The following RBFOX1 variants were observed in gnomAD, a reference collection of about 807,000 sequenced individuals.
The protein encoded by RBFOX1 is RNA binding protein fox-1 homolog 1.
Under a neutral mutation model 57.7 loss-of-function variants are expected in RBFOX1, and 8 were observed. The observed-to-expected ratio is 0.14, with a 90% CI of 0.08 to 0.25. The LOEUF is 0.25. Ranked by LOEUF, RBFOX1 falls within the 10% of genes least tolerant of loss-of-function variation. RBFOX1 has a pLI of 1.00. For synonymous variants in RBFOX1, 326 were observed against 222.4 expected, an observed-to-expected ratio of 1.47 and a Z score of -4.15; for missense variants, 611 against 548.5, an observed-to-expected ratio of 1.11 and a Z score of -1.14.
At chr16:7,629,045 G>C (rs974127750) in intron 10 of RBFOX1, among the ~76,000 whole-genome samples, 3 of 152,186 alleles carry the variant, frequency 2.0e-5, no homozygotes, top group African/African-American at 7.2e-5. Context: ...TTTCACTGTT[G>C]TGTGAAGGGC....
intron 6 of RBFOX1, among the ~76,000 whole-genome samples, chr16:7,580,305 C>G (rs2152839078): frequency 6.6e-6 from 1 of 152,266 alleles, no homozygotes; most frequent in Non-Finnish European, 1.5e-5. Context: ...TTACAGTTGT[C>G]AAATGATCCA....
chr16:5,588,001 C>G (rs1421175978), intron 2 of RBFOX1, among the ~76,000 whole-genome samples: 1 of 152,092 alleles, frequency 6.6e-6, no homozygotes, highest in African/African-American at 2.4e-5. Context: ...GGTGGTCTCT[C>G]TATGCAATAG....
chr16:6,436,605 C>G (rs2094243294), intron 2 of RBFOX1, among the ~76,000 whole-genome samples: 1 of 151,258 alleles, frequency 6.6e-6, no homozygotes, highest in South Asian at 2.1e-4. Context: ...AATTACCACC[C>G]CAAGCCCAGT....
At chr16:7,245,769 C>T (rs374042296) in intron 4 of RBFOX1, among the ~76,000 whole-genome samples, 1 of 152,258 alleles carries the variant, frequency 6.6e-6, no homozygotes, top group East Asian at 1.9e-4. Context: ...CTTCGGGTTG[C>T]CCTTTTTGTC....
chr16:6,280,387 C>T (rs2076250567), intron 1 of RBFOX1, among the ~76,000 whole-genome samples: 1 of 152,102 alleles, frequency 6.6e-6, no homozygotes, highest in Non-Finnish European at 1.5e-5. Context: ...GCTCACCCAC[C>T]CCTAGTCTGT....
intron 3 of RBFOX1, among the ~76,000 whole-genome samples, chr16:5,726,928 A>G (rs187134350): frequency 2.6e-5 from 4 of 152,160 alleles, no homozygotes; most frequent in Admixed American, 6.5e-5. Context: ...CTGAGGCCAT[A>G]TGGGTGGGCA....
At chr16:6,825,818 C>T (rs2092049598) in intron 3 of RBFOX1, among the ~76,000 whole-genome samples, 1 of 152,160 alleles carries the variant, frequency 6.6e-6, no homozygotes, top group South Asian at 2.1e-4. Context: ...AGCGATCCTG[C>T]ACAGGAACTT....
intron 4 of RBFOX1, among the ~76,000 whole-genome samples, chr16:7,428,404 G>A (rs1462844868): frequency 7.3e-6 from 1 of 137,562 alleles, no homozygotes; most frequent in African/African-American, 2.7e-5. Flanking sequence ...TCGGTTCACT[G>A]CAACTTTTGC....
At chr16:7,092,953 G>A (rs974575648) in intron 4 of RBFOX1, among the ~76,000 whole-genome samples, 1 of 152,164 alleles carries the variant, frequency 6.6e-6, no homozygotes, top group African/African-American at 2.4e-5. Context: ...TTCGTTGAAT[G>A]GTTCCTTTTC....
At chr16:6,756,155 A>C (rs1040987259) in intron 3 of RBFOX1, among the ~76,000 whole-genome samples, 1 of 151,694 alleles carries the variant, frequency 6.6e-6, no homozygotes, top group Non-Finnish European at 1.5e-5. Context: ...TCAAGCATTT[A>C]AAAAATATAT....
intron 2 of RBFOX1, among the ~76,000 whole-genome samples, chr16:6,349,533 C>G (rs2085935283): frequency 6.6e-6 from 1 of 152,218 alleles, no homozygotes; most frequent in South Asian, 2.1e-4. Flanking sequence ...AAGCTGACTT[C>G]TTGACCTATG....
At chr16:5,982,466 G>C (rs1019617996) in intron 4 of RBFOX1, among the ~76,000 whole-genome samples, 3 of 152,054 alleles carry the variant, frequency 2.0e-5, no homozygotes, top group African/African-American at 7.2e-5. Context: ...AGTAGAGAAG[G>C]GGTTTCGCCA....
intron 2 of RBFOX1, among the ~76,000 whole-genome samples, chr16:6,356,204 A>G (rs1296336417): frequency 6.6e-6 from 1 of 152,164 alleles, no homozygotes; most frequent in Non-Finnish European, 1.5e-5. Flanking sequence ...CTGCTTTTAC[A>G]TGGTGGCTTT....
intron 2 of RBFOX1, among the ~76,000 whole-genome samples, chr16:6,526,686 C>A (rs182107916): frequency 6.6e-6 from 1 of 151,270 alleles, no homozygotes; most frequent in African/African-American, 2.4e-5. Context: ...AAAAATTAGC[C>A]GGGCGTGGTG....
intron 2 of RBFOX1, among the ~76,000 whole-genome samples, chr16:6,422,106 A>G (rs2152990286): frequency 6.6e-6 from 1 of 151,894 alleles, no homozygotes; most frequent in South Asian, 2.1e-4. Context: ...TTTTGTTAGT[A>G]GAGATGGAGT....
intron 12 of RBFOX1, 131 bp from the exon 13 acceptor site, chr16:7,664,798 T>A: frequency 6.5e-7 from 1 of 1,547,038 alleles, no homozygotes; most frequent in South Asian, 1.1e-5. Context: ...CTTAATCCAA[T>A]GTGAAAACGA....
At chr16:6,766,179 A>G (rs574460099) in intron 3 of RBFOX1, among the ~76,000 whole-genome samples, 1 of 152,178 alleles carries the variant, frequency 6.6e-6, no homozygotes, top group African/African-American at 2.4e-5. Context: ...TTAGATATGG[A>G]GAAAAAAAAA....
chr16:5,277,386 G>C (rs191344821), intron 1 of RBFOX1, among the ~76,000 whole-genome samples: 14 of 152,126 alleles, frequency 9.2e-5, no homozygotes, highest in Non-Finnish European at 2.1e-4. Flanking sequence ...AAATTTCAGA[G>C]ATCACCACTG....
At chr16:5,642,015 A>C (rs1270668883) in intron 3 of RBFOX1, among the ~76,000 whole-genome samples, 1 of 152,178 alleles carries the variant, frequency 6.6e-6, no homozygotes, top group Non-Finnish European at 1.5e-5. Flanking sequence ...GGGGATACCA[A>C]GGCTGCTGGT....
Sources: gnomAD v4.1 joint callset for allele counts (sites outside exome capture counted in the v4.1 genomes callset) on GRCh38, gnomAD v4.1.1 for gene constraint, MANE v1.5 for transcripts, NCBI Gene and HGNC (gene_info 2026-07-23, HGNC 2026-07-21) for gene names.